The following PBX1 variants were observed in gnomAD, a reference collection of about 807,000 sequenced individuals.
The protein encoded by PBX1 is pre-B-cell leukemia transcription factor 1.
Under a neutral mutation model 53.4 loss-of-function variants are expected in PBX1, and 6 were observed. The ratio of observed to expected loss-of-function variants is 0.11; its 90% CI spans 0.06 to 0.22. The LOEUF (loss-of-function observed/expected upper bound fraction) is 0.22. PBX1 is among the 10% of genes least tolerant of loss of function. The pLI is 1.00. For synonymous variants in PBX1, 204 were observed against 212.3 expected (o/e 0.96, Z 0.34); for missense variants, 251 against 551.4 (o/e 0.46, Z 5.46).
chr1:164,601,479 G>A (rs1165860421), intron 2 of PBX1, among the ~76,000 whole-genome samples: 1 of 152,128 alleles, frequency 6.6e-6, no homozygotes, highest in Non-Finnish European at 1.5e-5. Flanking sequence ...AAGGGATAAG[G>A]ATTTTACCGT....
At chr1:164,727,482 TG>T (rs778059835) in intron 2 of PBX1, among the ~76,000 whole-genome samples, 1 of 152,204 alleles carries the variant, frequency 6.6e-6, no homozygotes, top group African/African-American at 2.4e-5. Context: ...TATAGTTCTT[TG>T]GGGTATGTCT....
intron 2 of PBX1, among the ~76,000 whole-genome samples, chr1:164,745,263 C>G (rs761408291): frequency 7.2e-5 from 11 of 152,206 alleles, no homozygotes; most frequent in Non-Finnish European, 1.3e-4. Context: ...TGAATTCTCT[C>G]TTTTCTCAAC....
At chr1:164,799,916 C>G (rs1488827979) in intron 4 of PBX1, 27 bp downstream of exon 4, 1 of 1,585,220 alleles carries the variant, frequency 6.3e-7, no homozygotes, top group Admixed American at 1.7e-5. Context: ...GCTGTCCTGC[C>G]CTCTCTGGGA....
intron 2 of PBX1, among the ~76,000 whole-genome samples, chr1:164,685,824 T>A (rs564789868): frequency 6.6e-6 from 1 of 152,310 alleles, no homozygotes; most frequent in Non-Finnish European, 1.5e-5. Context: ...AAAGGCTAAG[T>A]GCATTCTATA....
intron 3 of PBX1, 118 bp from the exon 4 acceptor site, chr1:164,799,581 C>G: frequency 1.2e-6 from 1 of 820,520 alleles, no homozygotes; most frequent in Non-Finnish European, 1.9e-6. Context: ...CACAAACTAT[C>G]CTAGTTTTCT....
chr1:164,571,019 G>A (rs1653812116), intron 2 of PBX1, among the ~76,000 whole-genome samples: 1 of 152,118 alleles, frequency 6.6e-6, no homozygotes, highest in African/African-American at 2.4e-5. Flanking sequence ...TTTGAGAAGT[G>A]TCTGTTCATA....
At chr1:164,734,335 A>C (rs1440854737) in intron 2 of PBX1, among the ~76,000 whole-genome samples, 1 of 152,236 alleles carries the variant, frequency 6.6e-6, no homozygotes, top group Non-Finnish European at 1.5e-5. Context: ...TTGCATTTTT[A>C]AAATACAGAA....
intron 2 of PBX1, among the ~76,000 whole-genome samples, chr1:164,693,903 C>T (rs1395956525): frequency 1.3e-5 from 2 of 152,124 alleles, no homozygotes; most frequent in East Asian, 3.9e-4. Context: ...AAGTGCTCTC[C>T]CAGTCTGGTT....
intron 2 of PBX1, among the ~76,000 whole-genome samples, chr1:164,589,382 C>G (rs1276307431): frequency 6.6e-6 from 1 of 152,088 alleles, no homozygotes; most frequent in Non-Finnish European, 1.5e-5. Context: ...GAAGAGTCTT[C>G]TCTTGACCAG....
intron 2 of PBX1, among the ~76,000 whole-genome samples, chr1:164,743,310 A>G (rs1164143106): frequency 6.6e-6 from 1 of 152,098 alleles, no homozygotes; most frequent in African/African-American, 2.4e-5. Context: ...GACATGTTGA[A>G]TTGTGTGTTT....
intron 2 of PBX1, among the ~76,000 whole-genome samples, chr1:164,878,908 A>G (rs1262080430): frequency 6.6e-6 from 1 of 152,228 alleles, no homozygotes; most frequent in Non-Finnish European, 1.5e-5. Context: ...AGAAGAAATT[A>G]TGGCAGCCGG....
chr1:164,821,793 CA>C (rs1331104714), intron 8 of PBX1, among the ~76,000 whole-genome samples, 167 bp downstream of exon 8: 2 of 152,110 alleles, frequency 1.3e-5, no homozygotes, highest in East Asian at 3.9e-4. Flanking sequence ...ATTCTACCCA[CA>C]AAAAAAGTGG....
At chr1:164,696,195 G>T (rs115477428) in intron 2 of PBX1, among the ~76,000 whole-genome samples, 208 of 152,190 alleles carry the variant, frequency 1.4e-3, no homozygotes, top group African/African-American at 4.8e-3. Context: ...ACAGATTTCA[G>T]CCAGGAGACA....
At chr1:164,595,518 A>G (rs1257065724) in intron 2 of PBX1, among the ~76,000 whole-genome samples, 1 of 149,056 alleles carries the variant, frequency 6.7e-6, no homozygotes, top group African/African-American at 2.5e-5. Flanking sequence ...TTTTTTTTTT[A>G]AAGGAGAAGA....
At chr1:164,667,722 C>G (rs376101410) in intron 2 of PBX1, among the ~76,000 whole-genome samples, 11 of 152,162 alleles carry the variant, frequency 7.2e-5, no homozygotes, top group African/African-American at 1.4e-4. Context: ...CAACGCATTT[C>G]AAATACTTGT....
intron 2 of PBX1, among the ~76,000 whole-genome samples, chr1:164,707,836 G>T (rs1663529535): frequency 6.6e-6 from 1 of 152,192 alleles, no homozygotes; most frequent in Non-Finnish European, 1.5e-5. Context: ...CCACTAAATA[G>T]AGATCACTGT....
intron 2 of PBX1, among the ~76,000 whole-genome samples, chr1:164,614,789 T>C (rs973705181): frequency 6.6e-6 from 1 of 152,210 alleles, no homozygotes; most frequent in Non-Finnish European, 1.5e-5. Flanking sequence ...TTTTCTTTTT[T>C]TGAGTTGGGA....
intron 2 of PBX1, among the ~76,000 whole-genome samples, chr1:164,722,819 C>T (rs1370549632): frequency 6.6e-6 from 1 of 152,212 alleles, no homozygotes; most frequent in East Asian, 1.9e-4. Flanking sequence ...GCTCAGGACT[C>T]CTTTTTGAAG....
chr1:164,767,926 ATGT>A (rs1667151402), intron 2 of PBX1, among the ~76,000 whole-genome samples: 1 of 152,194 alleles, frequency 6.6e-6, no homozygotes, highest in African/African-American at 2.4e-5. Context: ...TGAAGGACTC[ATGT>A]TGTTGAACCA....
Sources: allele counts gnomAD v4.1 joint callset (sites outside exome capture counted in the v4.1 genomes callset), GRCh38; gene constraint gnomAD v4.1.1; transcripts MANE v1.5; gene names NCBI Gene and HGNC (gene_info 2026-07-23, HGNC 2026-07-21).